Variants in LRCH1 observed in about 807,000 individuals in gnomAD.
LRCH1 encodes the protein leucine-rich repeat and calponin homology domain-containing protein 1.
In LRCH1, 23 loss-of-function variants were observed where a neutral mutation model predicts 94.9. That is an observed-to-expected ratio of 0.24 (90% CI 0.17 to 0.34). The LOEUF is 0.34. Ranked by LOEUF, LRCH1 falls within the 10% of genes least tolerant of loss-of-function variation. The pLI is 1.00. For missense variants in LRCH1, 790 were observed against 945.9 expected (o/e 0.84, Z 2.16); for synonymous variants, 364 against 354.9 (o/e 1.03, Z -0.29).
At chr13:46,676,129 C>T (rs368149561) in intron 3 of LRCH1, among the ~76,000 whole-genome samples, 4 of 152,108 alleles carry the variant, frequency 2.6e-5, no homozygotes, top group African/African-American at 7.2e-5. Context: ...GGCATGGTGG[C>T]ATGCACCTGT....
At chr13:46,628,854 C>T (rs922581424) in intron 1 of LRCH1, among the ~76,000 whole-genome samples, 2 of 152,010 alleles carry the variant, frequency 1.3e-5, no homozygotes, top group African/African-American at 4.8e-5. Context: ...TGAGTTATGG[C>T]GTCATCAATC....
intron 2 of LRCH1, among the ~76,000 whole-genome samples, chr13:46,653,283 C>T (rs572687767): frequency 1.2e-4 from 19 of 152,162 alleles, no homozygotes; most frequent in African/African-American, 4.3e-4. Flanking sequence ...TTTTCTTTGC[C>T]CACTTCTCCT....
At chr13:46,700,955 G>A (rs1359263905) in intron 10 of LRCH1, among the ~76,000 whole-genome samples, 166 bp from the exon 11 acceptor site, 6 of 152,202 alleles carry the variant, frequency 3.9e-5, no homozygotes, top group African/African-American at 1.4e-4. Context: ...ACCGTGCTCT[G>A]CCATCCCACC....
chr13:46,570,236 C>T (rs1027518113), intron 1 of LRCH1, among the ~76,000 whole-genome samples: 2 of 152,108 alleles, frequency 1.3e-5, no homozygotes, highest in Non-Finnish European at 2.9e-5. Context: ...GACTGGGATT[C>T]GGTTTGACTT....
intron 1 of LRCH1, among the ~76,000 whole-genome samples, chr13:46,608,769 A>G (rs1196449891): frequency 6.6e-6 from 1 of 152,196 alleles, no homozygotes; most frequent in South Asian, 2.1e-4. Context: ...TTTTGGTATA[A>G]TGTAGTGGGT....
At chr13:46,669,552 A>G (rs2051569432) in intron 3 of LRCH1, among the ~76,000 whole-genome samples, 1 of 152,232 alleles carries the variant, frequency 6.6e-6, no homozygotes, top group Non-Finnish European at 1.5e-5. Context: ...GAAGACAGAA[A>G]GAATGGGGTG....
chr13:46,578,532 C>T (rs1393847342), intron 1 of LRCH1, among the ~76,000 whole-genome samples: 1 of 152,208 alleles, frequency 6.6e-6, no homozygotes, highest in African/African-American at 2.4e-5. Flanking sequence ...TTCTAAGTGC[C>T]TTGCTGGATG....
intron 1 of LRCH1, among the ~76,000 whole-genome samples, chr13:46,603,018 A>T (rs531299844): frequency 1.0e-4 from 14 of 136,538 alleles, no homozygotes; most frequent in Non-Finnish European, 2.0e-4. Context: ...AAATAATTAA[A>T]TAACTCATTT....
chr13:46,681,776 G>C lies in LRCH1; in HGVS notation c.615G>C (p.Gln205His). 3.1e-6 allele frequency: 5 copies of C among 1,613,802 alleles called. 1 individual carries two copies. The Middle Eastern group carries it at 6.6e-4, about 213-fold the overall frequency. The change falls in exon 4 of 20, where the codon CAG becomes CAC. Residue 205 changes from glutamine to histidine, a missense_variant. Gln to His is a conservative substitution (Grantham distance 24). Transcript: ENST00000389797. ...VSCNEITALP[Q>H]QIGQLKSLRE... is the part of the protein sequence containing the mutation. The stretch of plus-strand genomic sequence containing the variant: ...GCAACGAGATCACAGCGTTGCCCCA[G>C]CAGATAGGTCAGTTGAAATCTCTAC...
At chr13:46,667,382 T>C (rs907408842) in intron 2 of LRCH1, among the ~76,000 whole-genome samples, 3 of 152,010 alleles carry the variant, frequency 2.0e-5, no homozygotes, top group Non-Finnish European at 4.4e-5. Context: ...AAACTTCTAA[T>C]TGAAGAATGA....
At chr13:46,682,785 C>G (rs1870396422) in intron 4 of LRCH1, among the ~76,000 whole-genome samples, 1 of 152,216 alleles carries the variant, frequency 6.6e-6, no homozygotes, top group African/African-American at 2.4e-5. Context: ...ATGCCAAGAC[C>G]TCAGACAGCC....
At chr13:46,739,915 T>C (rs1272325680) in intron 19 of LRCH1, among the ~76,000 whole-genome samples, 1 of 152,212 alleles carries the variant, frequency 6.6e-6, no homozygotes, top group Non-Finnish European at 1.5e-5. Flanking sequence ...TTGATCTGAC[T>C]CTAGTTCTCT....
chr13:46,624,317 A>G (rs1375760402), intron 1 of LRCH1, among the ~76,000 whole-genome samples: 1 of 152,188 alleles, frequency 6.6e-6, no homozygotes, highest in Non-Finnish European at 1.5e-5. Context: ...GATTTGACTG[A>G]TGTGGATTTG....
chr13:46,583,946 G>C (rs2050402298), intron 1 of LRCH1, among the ~76,000 whole-genome samples: 1 of 151,246 alleles, frequency 6.6e-6, no homozygotes, highest in African/African-American at 2.4e-5. Context: ...GCTTTCTTTA[G>C]TCAGCTAGAT....
chr13:46,562,867 G>A (rs920511605), intron 1 of LRCH1, among the ~76,000 whole-genome samples: 2 of 152,118 alleles, frequency 1.3e-5, no homozygotes, highest in African/African-American at 2.4e-5. Flanking sequence ...CTGAGCCCTC[G>A]AATGTGCTGT....
At chr13:46,648,770 C>T (rs1338310597) in intron 1 of LRCH1, among the ~76,000 whole-genome samples, 1 of 151,910 alleles carries the variant, frequency 6.6e-6, no homozygotes. Flanking sequence ...GGGGATTTTG[C>T]CCTTTTGCTA....
intron 9 of LRCH1, among the ~76,000 whole-genome samples, chr13:46,696,653 TTC>T (rs1412815631): frequency 1.3e-5 from 2 of 152,324 alleles, no homozygotes; most frequent in East Asian, 3.9e-4. Flanking sequence ...TGGAAGATAC[TTC>T]TCTTGGAAAA....
At chr13:46,577,899 G>A (rs1399821579) in intron 1 of LRCH1, among the ~76,000 whole-genome samples, 1 of 152,232 alleles carries the variant, frequency 6.6e-6, no homozygotes, top group Admixed American at 6.5e-5. Context: ...AGAGCTGGGA[G>A]CCTCTCCTTG....
intron 2 of LRCH1, among the ~76,000 whole-genome samples, chr13:46,651,354 T>C (rs1189707163): frequency 6.6e-6 from 1 of 152,168 alleles, no homozygotes; most frequent in Non-Finnish European, 1.5e-5. Flanking sequence ...TTTTGTCTTG[T>C]TTTCCTTGCA....
Sources: allele counts gnomAD v4.1 joint callset (sites outside exome capture counted in the v4.1 genomes callset), GRCh38; gene constraint gnomAD v4.1.1; transcripts MANE v1.5; gene names NCBI Gene and HGNC (gene_info 2026-07-23, HGNC 2026-07-21).